Variants in AGBL4 observed in about 807,000 individuals in gnomAD.
The protein encoded by AGBL4 is cytosolic carboxypeptidase 6.
Under a neutral mutation model 66.4 loss-of-function variants are expected in AGBL4, and 58 were observed. The ratio of observed to expected loss-of-function variants is 0.87; its 90% CI spans 0.71 to 1.09. AGBL4 has a LOEUF of 1.09. Ranked by LOEUF, AGBL4 falls within the 50% of genes least tolerant of loss-of-function variation. The pLI, the probability that AGBL4 is intolerant of heterozygous loss-of-function variation, is 0.00. For synonymous variants in AGBL4, 234 were observed against 222.9 expected, an observed-to-expected ratio of 1.05 and a Z score of -0.44; for missense variants, 579 against 631.0, an observed-to-expected ratio of 0.92 and a Z score of 0.88.
chr1:49,537,440 A>G (rs1315157002), intron 3 of AGBL4, among the ~76,000 whole-genome samples: 2 of 152,234 alleles, frequency 1.3e-5, no homozygotes, highest in African/African-American at 4.8e-5. Context: ...AAACAACTCA[A>G]TAACAACAAC....
chr1:49,912,629 T>C (rs534984533), intron 1 of AGBL4, among the ~76,000 whole-genome samples: 2 of 152,144 alleles, frequency 1.3e-5, no homozygotes, highest in Non-Finnish European at 2.9e-5. Flanking sequence ...CTAAGCAACC[T>C]GGAAAAAATA....
At chr1:49,275,355 GTACAGGTAT>G (rs1411342829) in intron 3 of AGBL4, among the ~76,000 whole-genome samples, 1 of 152,220 alleles carries the variant, frequency 6.6e-6, no homozygotes, top group East Asian at 1.9e-4. Flanking sequence ...TCACCAGTTT[GTACAGGTAT>G]TACAGGCACA....
chr1:48,639,080 G>A (rs1557845775), intron 8 of AGBL4, among the ~76,000 whole-genome samples: 1 of 152,256 alleles, frequency 6.6e-6, no homozygotes, highest in East Asian at 1.9e-4. Context: ...CAAAACTGAA[G>A]GAAAATTGTT....
chr1:49,898,414 G>C (rs973730919), intron 1 of AGBL4, among the ~76,000 whole-genome samples: 12 of 152,002 alleles, frequency 7.9e-5, no homozygotes, highest in Admixed American at 7.2e-4. Context: ...ACTATAAAGA[G>C]ATATCATCTC....
At chr1:49,209,627 G>A (rs1648511009) in intron 4 of AGBL4, among the ~76,000 whole-genome samples, 1 of 152,082 alleles carries the variant, frequency 6.6e-6, no homozygotes, top group Non-Finnish European at 1.5e-5. Context: ...AGGGCAGATT[G>A]GCCAGTGGGG....
chr1:48,616,168 G>T (rs1645314874), intron 9 of AGBL4, among the ~76,000 whole-genome samples: 1 of 152,174 alleles, frequency 6.6e-6, no homozygotes, highest in Admixed American at 6.5e-5. Context: ...GCATGCCCTG[G>T]CAGCTTGTCA....
At chr1:49,350,483 G>T (rs1645731380) in intron 3 of AGBL4, among the ~76,000 whole-genome samples, 1 of 152,184 alleles carries the variant, frequency 6.6e-6, no homozygotes, top group African/African-American at 2.4e-5. Context: ...GATTACAGGC[G>T]TGAGCCACCG....
chr1:49,280,151 C>T lies in AGBL4; in HGVS notation c.283-34287G>A, dbSNP rs546915187. Among the ~76,000 whole-genome samples, 14 of 152,150 alleles carry T rather than the reference C, an allele frequency of 9.2e-5. No homozygotes were observed. The South Asian group carries it at 1.7e-3, about 18-fold the overall frequency. ...GGCCCCACCTAGAAGGGACTCAGCA[C>T]GCAGAAGGACCATTTCCCACACCCC... On this transcript the variant is annotated intron_variant, in intron 3 of 13. Coordinates refer to ENST00000371839, the MANE Select transcript of AGBL4 (RefSeq NM_032785.4).
intron 3 of AGBL4, among the ~76,000 whole-genome samples, chr1:49,395,485 G>A (rs1016407973): frequency 4.6e-5 from 7 of 151,448 alleles, no homozygotes; most frequent in African/African-American, 1.7e-4. Context: ...ATAAAAGAAA[G>A]GGTATGACAC....
chr1:49,780,203 T>C (rs555920560), intron 2 of AGBL4, among the ~76,000 whole-genome samples: 6 of 152,274 alleles, frequency 3.9e-5, no homozygotes, highest in African/African-American at 1.4e-4. Context: ...GAGGTAATTA[T>C]AAAAGACATA....
intron 1 of AGBL4, among the ~76,000 whole-genome samples, chr1:49,870,204 C>T (rs940476381): frequency 1.3e-5 from 2 of 152,060 alleles, no homozygotes; most frequent in Non-Finnish European, 1.5e-5. Flanking sequence ...AAAACACAAT[C>T]TTTTGGCTAT....
rs1376204027 is a variant in AGBL4 at position 49,787,468 on chromosome 1, A to C, written c.157+63928T>G. Among the ~76,000 whole-genome samples the C allele has an allele frequency of 1.1e-4, 17 of 150,180 alleles. No individual in the cohort carries two copies. The South Asian group carries it at 2.3e-3, about 21-fold the overall frequency. ...CAGCGAGCCGAGATCAAGCCACTGC[A>C]CTCCAGCCTGGGCGACAGAGCGAGA... On this transcript the variant is annotated intron_variant, in intron 2 of 13. Coordinates refer to ENST00000371839, the MANE Select transcript of AGBL4 (RefSeq NM_032785.4).
rs1040495985 is a variant in AGBL4, at chr1:48,784,698, G to A, written c.634+82493C>T. On this transcript the variant is annotated intron_variant, in intron 6 of 13. Coordinates refer to ENST00000371839, the MANE Select transcript of AGBL4 (RefSeq NM_032785.4). ...CACATTGGCTTGAAGTTCAGTTCAG[G>A]CAAACTGCAGTCAAATTCAACCATT... Among the ~76,000 whole-genome samples, 9 of 152,278 alleles carry A rather than the reference G, an allele frequency of 5.9e-5. No homozygotes were observed. The East Asian group carries it at 1.4e-3, about 23-fold the overall frequency.
chr1:49,269,865 G>A (rs1465657471), intron 3 of AGBL4, among the ~76,000 whole-genome samples: 7 of 152,146 alleles, frequency 4.6e-5, no homozygotes, highest in African/African-American at 1.7e-4. Context: ...AGAAGCTTTA[G>A]AGAGTGAAGG....
intron 4 of AGBL4, among the ~76,000 whole-genome samples, chr1:49,163,039 T>C (rs1005948943): frequency 6.6e-6 from 1 of 152,198 alleles, no homozygotes. Context: ...TATATAGATA[T>C]ATTTTATCAT....
chr1:48,855,932 T>C (rs1647139569), intron 6 of AGBL4, among the ~76,000 whole-genome samples: 1 of 152,066 alleles, frequency 6.6e-6, no homozygotes, highest in Non-Finnish European at 1.5e-5. Context: ...ATTCATAAGG[T>C]AGAGAAACAA....
rs888044863 is a variant in AGBL4 at position 49,906,616 on chromosome 1, T to TA, written c.35-55099dup. Among the ~76,000 whole-genome samples, 99 of 151,902 alleles carry TA rather than the reference T, an allele frequency of 6.5e-4. 1 individual carries two copies. The highest frequency in any genetic ancestry group is 2.0e-3 in the African/African-American group (84 of 41,406). Reference sequence around the variant, plus strand: ...CTTGTGTAAAGTATATCTCAAATGCTAAAAAAAATTTGTCAAGATATACTA... The same window carrying TA: ...CTTGTGTAAAGTATATCTCAAATGCTAAAAAAAAATTTGTCAAGATATACTA... On this transcript the variant is annotated intron_variant, in intron 1 of 13. Coordinates refer to ENST00000371839, the MANE Select transcript of AGBL4 (RefSeq NM_032785.4).
chr1:49,687,802 T>A (rs913459701), intron 3 of AGBL4, among the ~76,000 whole-genome samples: 1 of 151,836 alleles, frequency 6.6e-6, no homozygotes, highest in Non-Finnish European at 1.5e-5. Flanking sequence ...ATTAAAAAAA[T>A]ACAAGTATGT....
In AGBL4 at chr1:48,882,704, T is replaced by C. The variant is rs536222593; in HGVS notation, c.595-15474A>G. On this transcript the variant is annotated intron_variant, in intron 5 of 13. Transcript: ENST00000371839. ...TTATTGTCACCATGCTGTACAAAGG[T>C]TCTCCAGAACTTATCCCTCCTGTCT... 3.3e-5 allele frequency among the ~76,000 whole-genome samples: 5 copies of C among 152,278 alleles called. No homozygotes were observed. In the South Asian group the frequency reaches 1.0e-3, roughly 32 times the overall value.
Sources: gnomAD v4.1 joint callset for allele counts (sites outside exome capture counted in the v4.1 genomes callset) on GRCh38, gnomAD v4.1.1 for gene constraint, MANE v1.5 for transcripts, NCBI Gene and HGNC (gene_info 2026-07-23, HGNC 2026-07-21) for gene names.